PCDHA7: variants seen among roughly 807,000 people sequenced by gnomAD.
The protein encoded by PCDHA7 is protocadherin alpha-7.
A neutral mutation model predicts 57.2 loss-of-function variants in PCDHA7; 37 were observed. The ratio of observed to expected loss-of-function variants is 0.65; its 90% CI spans 0.50 to 0.85. The LOEUF is 0.85. Among genes scored for constraint, PCDHA7 ranks in the 40% least tolerant of loss-of-function variants. PCDHA7 has a pLI of 0.00. For missense variants in PCDHA7, 1,188 were observed against 1,241.8 expected (o/e 0.96, Z 0.65); for synonymous variants, 553 against 558.8 (o/e 0.99, Z 0.15).
rs142468733 is a variant in PCDHA7 at position 140,884,535 on chromosome 5, C to G, written c.2355+47797C>G. 4,368 of 1,614,034 alleles carry G rather than the reference C, an allele frequency of 2.7e-3. 82 individuals are homozygous for G. The South Asian group carries it at 0.038, about 14-fold the overall frequency. On this transcript the variant is annotated intron_variant, in intron 1 of 3. Coordinates refer to ENST00000525929, the MANE Select transcript of PCDHA7 (RefSeq NM_018910.3). ...TGGTCGTACTCGCAGCAGAGGCGGC[C>G]GAGGGTGTGCTCTGGGGAGGGCCCG...
intron 1 of PCDHA7, among the ~76,000 whole-genome samples, chr5:140,932,192 TTC>T (rs2088100364): frequency 6.6e-6 from 1 of 151,968 alleles, no homozygotes. Context: ...GTCCATTTTT[TTC>T]TGTTAATATT....
chr5:140,836,420 G>A lies in PCDHA7; in HGVS notation c.2037G>A (p.Ser679=). Residue 679 remains serine, a synonymous_variant, in exon 1 of 4, where the codon TCG becomes TCA. Coordinates refer to ENST00000525929, the MANE Select transcript of PCDHA7 (RefSeq NM_018910.3). ...AAAGCGGCCAGGCACCAAAGGCGTC[G>A]TCGCGGGCATCGTTGGGCATTGCAG... ...LVESGQAPKA[S]SRASLGIAGP... 6.2e-7 allele frequency: 1 copy of A among 1,613,810 alleles called. No individual in the cohort carries two copies.
intron 1 of PCDHA7, among the ~76,000 whole-genome samples, chr5:140,902,432 C>T (rs566549203): frequency 1.3e-5 from 2 of 152,128 alleles, no homozygotes; most frequent in African/African-American, 4.8e-5. Flanking sequence ...AAGTGGGCAT[C>T]CTTGTCATAT....
At chr5:140,837,881 G>A (rs1360398902) in intron 1 of PCDHA7, among the ~76,000 whole-genome samples, 1 of 151,490 alleles carries the variant, frequency 6.6e-6, no homozygotes, top group Admixed American at 6.6e-5. Context: ...GTGGAGTCTT[G>A]TTTCCCAGGC....
At chr5:140,866,847 A>T (rs1485743697) in intron 1 of PCDHA7, 1 of 152,136 alleles carries the variant, frequency 6.6e-6, no homozygotes, top group African/African-American at 2.4e-5. Context: ...ATCAGTTAAC[A>T]ATAACTGTAT....
chr5:140,916,060 C>G (rs1554197265), intron 1 of PCDHA7, among the ~76,000 whole-genome samples: 1 of 152,174 alleles, frequency 6.6e-6, no homozygotes, highest in Non-Finnish European at 1.5e-5. Flanking sequence ...GGTGCCTCTC[C>G]CTGTGGCCAG....
chr5:140,971,290 A>G (rs2096467357), intron 1 of PCDHA7, among the ~76,000 whole-genome samples: 1 of 152,204 alleles, frequency 6.6e-6, no homozygotes, highest in East Asian at 1.9e-4. Context: ...ATTAATATGT[A>G]CTTTGGTACA....
intron 1 of PCDHA7, chr5:140,929,032 T>C (rs781951889): frequency 1.9e-6 from 3 of 1,614,236 alleles, no homozygotes; most frequent in East Asian, 2.2e-5. Flanking sequence ...CCCAGGCTGT[T>C]GCGCTCAGAG....
At chr5:140,963,319 G>T (rs1554226565) in intron 1 of PCDHA7, among the ~76,000 whole-genome samples, 1 of 152,174 alleles carries the variant, frequency 6.6e-6, no homozygotes, top group East Asian at 1.9e-4. Flanking sequence ...GTTTGTATTA[G>T]AATTACACAG....
In PCDHA7 at chr5:140,841,379, C is replaced by A. The variant is rs2150314416; in HGVS notation, c.2355+4641C>A. The A allele has an allele frequency of 9.9e-6, 16 of 1,613,486 alleles. No homozygotes were observed. In the African/African-American group the frequency reaches 2.1e-4, roughly 22 times the overall value. ...CTGGCGACTACTACTCTTGCTTCTG[C>A]TCCTCGCAGCCTGGAAGGTGGGGAG... On this transcript the variant is annotated intron_variant, in intron 1 of 3. Coordinates refer to ENST00000525929, the MANE Select transcript of PCDHA7 (RefSeq NM_018910.3).
At chr5:140,916,832 G>A (rs1286597127) in intron 1 of PCDHA7, among the ~76,000 whole-genome samples, 3 of 152,104 alleles carry the variant, frequency 2.0e-5, no homozygotes, top group East Asian at 1.9e-4. Context: ...TATCCCTCTG[G>A]TTCTGAGCCC....
intron 1 of PCDHA7, chr5:140,876,023 C>CA: frequency 1.9e-6 from 3 of 1,612,330 alleles, no homozygotes; most frequent in Non-Finnish European, 2.5e-6. Context: ...AAAATAAAAA[C>CA]AAAAAAAGAT....
At chr5:140,926,519 C>T (rs2083298131) in intron 1 of PCDHA7, 1 of 204,364 alleles carries the variant, frequency 4.9e-6, no homozygotes, top group Non-Finnish European at 9.7e-6. Flanking sequence ...AGGCTCCGCC[C>T]TGCGCCCGCA....
chr5:140,878,802 A>T (rs2057733011), intron 1 of PCDHA7, among the ~76,000 whole-genome samples: 1 of 152,224 alleles, frequency 6.6e-6, no homozygotes, highest in Non-Finnish European at 1.5e-5. Context: ...TTTTAAAAAC[A>T]TATGGGGGTC....
chr5:140,945,678 C>T (rs2093827274), intron 1 of PCDHA7, among the ~76,000 whole-genome samples: 1 of 152,078 alleles, frequency 6.6e-6, no homozygotes, highest in Non-Finnish European at 1.5e-5. Context: ...AATAAATCCA[C>T]ACAGTTACTG....
At chr5:140,962,841 A>G (rs1298725922) in intron 1 of PCDHA7, among the ~76,000 whole-genome samples, 3 of 152,210 alleles carry the variant, frequency 2.0e-5, no homozygotes, top group African/African-American at 7.2e-5. Flanking sequence ...TTTTTATTAT[A>G]TAACTTGTGC....
At chr5:141,007,980 A>G (rs533342900) in intron 3 of PCDHA7, among the ~76,000 whole-genome samples, 1 of 152,338 alleles carries the variant, frequency 6.6e-6, no homozygotes, top group East Asian at 1.9e-4. Context: ...TGTCATGTAT[A>G]TATGAAATGT....
At position 140,836,540 on chromosome 5, in the gene PCDHA7, G is replaced by A. The variant is rs2150263388; in HGVS notation, c.2157G>A (p.Thr719=). The change falls in exon 1 of 4, where the codon ACG becomes ACA. Residue 719 remains threonine, a synonymous_variant. Transcript: ENST00000525929. ...TGGTGCTTACCCTGCTGCTGTACAC[G>A]GCGTTGCGGTGCTCAGCGCCGTCCT... ...SLLVLTLLLY[T]ALRCSAPSSE... is the part of the protein sequence containing the mutation. 4,283 of 1,613,776 alleles carry A rather than the reference G, an allele frequency of 2.7e-3. 131 individuals carry two copies. The African/African-American group carries it at 0.05, about 19-fold the overall frequency.
rs547096956 is a variant in PCDHA7, at chr5:140,967,167, T to C, written c.2356-11782T>C. 6.2e-6 allele frequency: 10 copies of C among 1,611,120 alleles called. No homozygotes were observed. In the Admixed American group the frequency reaches 8.3e-5, roughly 13 times the overall value. ...CACAACCCCGTGGCGGTGAGCGCCG[T>C]TGAGGTGGAAATATTGGACATCAAC... is the stretch of plus-strand genomic sequence containing the variant. On this transcript the variant is annotated intron_variant, in intron 1 of 3. Transcript: ENST00000525929.
Sources: gnomAD v4.1 joint callset for allele counts (sites outside exome capture counted in the v4.1 genomes callset) on GRCh38, gnomAD v4.1.1 for gene constraint, MANE v1.5 for transcripts, NCBI Gene and HGNC (gene_info 2026-07-23, HGNC 2026-07-21) for gene names.